The following PTPRJ variants were observed in gnomAD, a reference collection of about 807,000 sequenced individuals.
PTPRJ encodes the protein receptor-type tyrosine-protein phosphatase eta.
A neutral mutation model predicts 141.3 loss-of-function variants in PTPRJ; 129 were observed. The ratio of observed to expected loss-of-function variants is 0.91; its 90% CI spans 0.79 to 1.06. The LOEUF is 1.06. Ranked by LOEUF, PTPRJ falls within the 50% of genes least tolerant of loss-of-function variation. The probability of loss-of-function intolerance (pLI) is 0.00; values close to 1 mark genes in which losing one functional copy is unlikely to be tolerated. For synonymous variants in PTPRJ, 610 were observed against 640.5 expected (o/e 0.95, Z 0.72); for missense variants, 1,601 against 1,679.7 (o/e 0.95, Z 0.82).
intron 21 of PTPRJ, among the ~76,000 whole-genome samples, chr11:48,159,106 G>C (rs1417467226): frequency 7.1e-6 from 1 of 141,082 alleles, no homozygotes; most frequent in Non-Finnish European, 1.5e-5. Flanking sequence ...GGGTGTGTGT[G>C]TGTGTGTGTA....
intron 19 of PTPRJ, among the ~76,000 whole-genome samples, chr11:48,154,530 A>G (rs563333774): frequency 1.3e-5 from 2 of 152,278 alleles, no homozygotes; most frequent in African/African-American, 4.8e-5. Flanking sequence ...GTTCCTTGTA[A>G]TCTCTCTTTT....
Position 48,170,744 on chromosome 11 carries a change from T to C in PTPRJ, c.*3382T>C, listed in dbSNP as rs1208456870. The C allele has an allele frequency of 8.3e-6, 1 of 119,976 alleles. No homozygotes were observed. Among genetic ancestry groups the C allele is most frequent in the Non-Finnish European group, 1.7e-5 (1 of 59,988 alleles). 7.4% of individuals were successfully genotyped at this position (119,976 alleles called of 1,614,324 possible). The stretch of plus-strand genomic sequence containing the variant: ...TGTTTGTTATACTTGTACAGAGTAT[T>C]GCTGTTGGTTGCTTTTTTTTTTTTT... On this transcript the variant is annotated 3_prime_UTR_variant, in exon 25 of 25. Coordinates refer to ENST00000418331, the MANE Select transcript of PTPRJ (RefSeq NM_002843.4).
At chr11:48,094,180 A>T (rs1170123586) in intron 1 of PTPRJ, among the ~76,000 whole-genome samples, 1 of 152,238 alleles carries the variant, frequency 6.6e-6, no homozygotes, top group Admixed American at 6.5e-5. Flanking sequence ...AAGTAGGGAA[A>T]TTGAACAGCA....
Position 48,074,342 on chromosome 11 carries a change from C to T in PTPRJ, c.97-35716C>T, listed in dbSNP as rs572504921. Among the ~76,000 whole-genome samples the T allele has an allele frequency of 2.0e-3, 304 of 152,270 alleles. 1 individual carries two copies. The highest frequency in any genetic ancestry group is 8.5e-3 in the South Asian group (41 of 4,830). On this transcript the variant is annotated intron_variant, in intron 1 of 24. Coordinates refer to ENST00000418331, the MANE Select transcript of PTPRJ (RefSeq NM_002843.4). ...CTTTAGTATTGACATGTTGGAACCT[C>T]GGATTAATTTGTGCATGGATATATT...
intron 10 of PTPRJ, 126 bp downstream of exon 10, chr11:48,137,407 G>A (rs1191275923): frequency 7.8e-6 from 8 of 1,021,408 alleles, no homozygotes; most frequent in Middle Eastern, 3.1e-4. Context: ...TGAGCTTTCC[G>A]AGGCATCCTG....
intron 3 of PTPRJ, 143 bp downstream of exon 3, chr11:48,113,126 T>C: frequency 1.6e-6 from 1 of 631,258 alleles, no homozygotes. Context: ...TAATGCATAT[T>C]CATTATATAA....
intron 21 of PTPRJ, among the ~76,000 whole-genome samples, chr11:48,159,432 G>T (rs1269787361): frequency 6.6e-6 from 1 of 152,174 alleles, no homozygotes; most frequent in Non-Finnish European, 1.5e-5. Flanking sequence ...AAGGGAGCTG[G>T]ATGGGGACTG....
At chr11:48,140,264 A>C (rs952267488) in intron 11 of PTPRJ, among the ~76,000 whole-genome samples, 4 of 152,282 alleles carry the variant, frequency 2.6e-5, no homozygotes, top group Middle Eastern at 6.8e-3. Context: ...TCCTGACCTC[A>C]AGTGATCCAC....
intron 4 of PTPRJ, among the ~76,000 whole-genome samples, chr11:48,122,478 C>T (rs896018086): frequency 6.6e-6 from 1 of 152,200 alleles, no homozygotes; most frequent in African/African-American, 2.4e-5. Context: ...ATGTGCCTCT[C>T]TGTCCTTAAT....
intron 1 of PTPRJ, among the ~76,000 whole-genome samples, chr11:47,983,293 C>A (rs1033260133): frequency 1.3e-5 from 2 of 152,024 alleles, no homozygotes; most frequent in African/African-American, 4.8e-5. Flanking sequence ...AAAGTTGAAT[C>A]AATTTGAGAT....
chr11:48,100,354 C>G (rs893883749), intron 1 of PTPRJ, among the ~76,000 whole-genome samples: 3 of 152,164 alleles, frequency 2.0e-5, no homozygotes, highest in African/African-American at 7.2e-5. Flanking sequence ...ACTGCTCGAA[C>G]TCTCCTTCCC....
chr11:48,060,514 A>G (rs1430763383), intron 1 of PTPRJ, among the ~76,000 whole-genome samples: 1 of 152,144 alleles, frequency 6.6e-6, no homozygotes, highest in Admixed American at 6.5e-5. Context: ...CCACACGCAC[A>G]GTTGGAAAGA....
At chr11:48,149,741 T>C in intron 16 of PTPRJ, 1 of 544,912 alleles carries the variant, frequency 1.8e-6, no homozygotes, top group South Asian at 2.6e-5. Flanking sequence ...AAACGTCAAA[T>C]AGGTTATCAA....
intron 18 of PTPRJ, among the ~76,000 whole-genome samples, chr11:48,151,541 G>A (rs947267266): frequency 6.6e-6 from 1 of 151,070 alleles, no homozygotes; most frequent in Non-Finnish European, 1.5e-5. Context: ...TGCCATGTTG[G>A]TGTGCTGCAC....
chr11:48,115,698 G>T (rs908293559), intron 3 of PTPRJ, among the ~76,000 whole-genome samples: 6 of 152,122 alleles, frequency 3.9e-5, no homozygotes, highest in Non-Finnish European at 8.8e-5. Flanking sequence ...AAAGTTAAAA[G>T]ATAATACTTA....
At chr11:48,095,311 G>A (rs2134304649) in intron 1 of PTPRJ, among the ~76,000 whole-genome samples, 1 of 152,332 alleles carries the variant, frequency 6.6e-6, no homozygotes, top group Admixed American at 6.5e-5. Context: ...GAGACTTTGA[G>A]AATTTTTGCT....
intron 3 of PTPRJ, 50 bp from the exon 4 acceptor site, chr11:48,120,953 A>T (rs1411382415): frequency 1.3e-5 from 19 of 1,465,286 alleles, no homozygotes; most frequent in Non-Finnish European, 1.8e-6. Flanking sequence ...CCTCACTCTT[A>T]CATTTCTTTT....
At chr11:48,035,287 T>C (rs1854091250) in intron 1 of PTPRJ, among the ~76,000 whole-genome samples, 1 of 152,224 alleles carries the variant, frequency 6.6e-6, no homozygotes, top group South Asian at 2.1e-4. Context: ...AGCCCCTCCA[T>C]GTCCCTTGCT....
intron 14 of PTPRJ, 27 bp downstream of exon 14, chr11:48,145,151 C>T (rs1857321416): frequency 6.2e-7 from 1 of 1,612,832 alleles, no homozygotes; most frequent in East Asian, 2.2e-5. Flanking sequence ...AGTCCTGGCA[C>T]TGGTTCAGTG....
Sources: allele counts gnomAD v4.1 joint callset (sites outside exome capture counted in the v4.1 genomes callset), GRCh38; gene constraint gnomAD v4.1.1; transcripts MANE v1.5; gene names NCBI Gene and HGNC (gene_info 2026-07-23, HGNC 2026-07-21).